The following KSR2 variants were observed in gnomAD, a reference collection of about 807,000 sequenced individuals.
KSR2 encodes kinase suppressor of ras 2.
KSR2 carries 25 observed loss-of-function variants against 107.8 expected under a neutral mutation model. The ratio of observed to expected loss-of-function variants is 0.23; its 90% CI spans 0.17 to 0.32. The LOEUF is 0.32. KSR2 is among the 10% of genes least tolerant of loss of function. The pLI, the probability that KSR2 is intolerant of heterozygous loss-of-function variation, is 1.00. For synonymous variants in KSR2, 480 were observed against 507.0 expected (o/e 0.95, Z 0.71); for missense variants, 887 against 1,268.9 (o/e 0.70, Z 4.57).
intron 4 of KSR2, among the ~76,000 whole-genome samples, chr12:117,760,631 A>G (rs747539364): frequency 6.6e-6 from 1 of 152,200 alleles, no homozygotes; most frequent in Non-Finnish European, 1.5e-5. Flanking sequence ...CGTTTTCAGT[A>G]AAAAGCCAGA....
At chr12:117,643,122 T>C (rs1203375412) in intron 5 of KSR2, among the ~76,000 whole-genome samples, 1 of 152,164 alleles carries the variant, frequency 6.6e-6, no homozygotes, top group African/African-American at 2.4e-5. Flanking sequence ...AGTTAGCAAC[T>C]TTTCTTTCCT....
At chr12:117,598,146 C>G (rs1181161817) in intron 5 of KSR2, among the ~76,000 whole-genome samples, 1 of 152,202 alleles carries the variant, frequency 6.6e-6, no homozygotes, top group African/African-American at 2.4e-5. Context: ...CTCCCATTCC[C>G]TCTGGGTCCC....
chr12:117,794,591 GCA>G (rs1405679372), intron 3 of KSR2, among the ~76,000 whole-genome samples: 2 of 140,054 alleles, frequency 1.4e-5, no homozygotes, highest in Non-Finnish European at 3.0e-5. Flanking sequence ...ACATCAACAT[GCA>G]CACTCACACC....
chr12:117,592,669 A>C (rs1880397122), intron 5 of KSR2, among the ~76,000 whole-genome samples: 1 of 152,228 alleles, frequency 6.6e-6, no homozygotes, highest in Non-Finnish European at 1.5e-5. Flanking sequence ...ACAGTTTCAT[A>C]ATGTGCTCAC....
At chr12:117,913,563 A>C (rs986617843) in intron 1 of KSR2, among the ~76,000 whole-genome samples, 3 of 152,216 alleles carry the variant, frequency 2.0e-5, no homozygotes, top group Non-Finnish European at 4.4e-5. Flanking sequence ...CATCCTTGTA[A>C]GAGACAGAAA....
At chr12:117,714,626 A>T (rs1363432195) in intron 4 of KSR2, among the ~76,000 whole-genome samples, 1 of 152,158 alleles carries the variant, frequency 6.6e-6, no homozygotes, top group Non-Finnish European at 1.5e-5. Flanking sequence ...CACTCTGGGG[A>T]TTTGAATCCA....
At chr12:117,959,087 A>C (rs992405972) in intron 1 of KSR2, among the ~76,000 whole-genome samples, 4 of 152,216 alleles carry the variant, frequency 2.6e-5, no homozygotes, top group African/African-American at 7.2e-5. Flanking sequence ...AATGTATCTA[A>C]ATATCACACA....
chr12:117,627,791 A>G (rs1352601603), intron 5 of KSR2, among the ~76,000 whole-genome samples: 2 of 152,102 alleles, frequency 1.3e-5, no homozygotes, highest in African/African-American at 4.8e-5. Flanking sequence ...TATACTGAAG[A>G]GTGTTTTCCA....
intron 3 of KSR2, among the ~76,000 whole-genome samples, chr12:117,770,722 A>T (rs1235471448): frequency 6.6e-6 from 1 of 151,748 alleles, no homozygotes; most frequent in African/African-American, 2.4e-5. Flanking sequence ...TAATCCCAGC[A>T]TTTGAGAGGC....
chr12:117,894,958 G>C (rs760556403), intron 1 of KSR2, among the ~76,000 whole-genome samples: 77 of 151,830 alleles, frequency 5.1e-4, no homozygotes, highest in Non-Finnish European at 1.0e-3. Flanking sequence ...CCCGGGCTTC[G>C]TGGAGCTATG....
At chr12:117,520,431 C>T (rs1220543397) in intron 14 of KSR2, among the ~76,000 whole-genome samples, 2 of 152,204 alleles carry the variant, frequency 1.3e-5, no homozygotes, top group Non-Finnish European at 2.9e-5. Flanking sequence ...CCTAGCATGG[C>T]TTGGCTTCTG....
At chr12:117,909,915 GA>G (rs903453387) in intron 1 of KSR2, among the ~76,000 whole-genome samples, 3 of 108,354 alleles carry the variant, frequency 2.8e-5, no homozygotes, top group South Asian at 3.1e-4. Context: ...CTCAAAAAAA[GA>G]AAAAAAAAAG....
rs140774109 is a variant in KSR2 at position 117,537,628 on chromosome 12, T to C, written c.1687+2091A>G. ...CAGACATTAAGTGGTAAAGCTGAGATTTGAACCTAAGCAGCTTGGCTGCAG... is the reference window on the plus strand; with the variant it reads ...CAGACATTAAGTGGTAAAGCTGAGACTTGAACCTAAGCAGCTTGGCTGCAG... On this transcript the variant is annotated intron_variant, in intron 10 of 19. Transcript: ENST00000339824. Among the ~76,000 whole-genome samples the C allele has an allele frequency of 4.6e-4, 70 of 152,300 alleles. 1 individual carries two copies. The East Asian group carries it at 0.012, about 26-fold the overall frequency.
intron 7 of KSR2, among the ~76,000 whole-genome samples, chr12:117,573,954 C>G (rs1395027406): frequency 6.6e-6 from 1 of 152,132 alleles, no homozygotes; most frequent in East Asian, 1.9e-4. Context: ...ACAGAAGAGC[C>G]TGAAAAACCA....
chr12:117,504,227 T>C (rs1873542457), intron 14 of KSR2, among the ~76,000 whole-genome samples: 1 of 152,212 alleles, frequency 6.6e-6, no homozygotes, highest in African/African-American at 2.4e-5. Context: ...TGTGACAATG[T>C]TGCATCTTCA....
intron 7 of KSR2, among the ~76,000 whole-genome samples, chr12:117,563,151 T>C (rs1196893888): frequency 6.6e-6 from 1 of 152,162 alleles, no homozygotes; most frequent in Non-Finnish European, 1.5e-5. Context: ...GCTACTAGCG[T>C]GTAATTTACC....
chr12:117,945,607 G>A (rs1212475031), intron 1 of KSR2, among the ~76,000 whole-genome samples: 1 of 152,204 alleles, frequency 6.6e-6, no homozygotes, highest in Non-Finnish European at 1.5e-5. Flanking sequence ...CTCGGAGGTA[G>A]AGGTTGCAAT....
At chr12:117,568,460 C>T (rs1293894496) in intron 7 of KSR2, among the ~76,000 whole-genome samples, 1 of 152,156 alleles carries the variant, frequency 6.6e-6, no homozygotes, top group Non-Finnish European at 1.5e-5. Flanking sequence ...GCTGTGTAGC[C>T]AGCCCTTTGC....
intron 14 of KSR2, among the ~76,000 whole-genome samples, chr12:117,492,729 T>C (rs904298998): frequency 6.6e-6 from 1 of 152,024 alleles, no homozygotes; most frequent in Admixed American, 6.5e-5. Flanking sequence ...ATGGATGTAA[T>C]CGCAGGGTCT....
Sources: gnomAD v4.1 joint callset for allele counts (sites outside exome capture counted in the v4.1 genomes callset) on GRCh38, gnomAD v4.1.1 for gene constraint, MANE v1.5 for transcripts, NCBI Gene and HGNC (gene_info 2026-07-23, HGNC 2026-07-21) for gene names.